CLSTN2: variants seen among roughly 807,000 people sequenced by gnomAD.
The protein encoded by CLSTN2 is calsyntenin 2.
CLSTN2 carries 48 observed loss-of-function variants against 101.2 expected under a neutral mutation model. The ratio of observed to expected loss-of-function variants is 0.47; its 90% CI spans 0.38 to 0.60. The LOEUF is 0.60. Ranked by LOEUF, CLSTN2 falls within the 20% of genes least tolerant of loss-of-function variation. The pLI is 0.00. For synonymous variants in CLSTN2, 481 were observed against 463.6 expected, an observed-to-expected ratio of 1.04 and a Z score of -0.48; for missense variants, 1,160 against 1,238.2, an observed-to-expected ratio of 0.94 and a Z score of 0.95.
chr3:140,425,942 CTT>C (rs1468962715), intron 5 of CLSTN2, among the ~76,000 whole-genome samples: 1 of 152,106 alleles, frequency 6.6e-6, no homozygotes, highest in Admixed American at 6.5e-5. Flanking sequence ...AACTACTTCT[CTT>C]TGTTTTGTTC....
At chr3:140,321,952 C>T (rs1218781000) in intron 2 of CLSTN2, among the ~76,000 whole-genome samples, 1 of 152,208 alleles carries the variant, frequency 6.6e-6, no homozygotes, top group Admixed American at 6.5e-5. Flanking sequence ...CCAGAGCATC[C>T]TCAGCTGGTG....
chr3:140,076,207 G>C (rs145868438), intron 1 of CLSTN2, among the ~76,000 whole-genome samples: 3 of 152,150 alleles, frequency 2.0e-5, no homozygotes, highest in Admixed American at 2.0e-4. Context: ...TGTTCTTCGC[G>C]TTCATCCTTG....
intron 8 of CLSTN2, among the ~76,000 whole-genome samples, chr3:140,518,487 T>A (rs2107772077): frequency 6.6e-6 from 1 of 152,232 alleles, no homozygotes; most frequent in Non-Finnish European, 1.5e-5. Context: ...CTCTTCCCCC[T>A]ACTTCTCCTA....
intron 5 of CLSTN2, among the ~76,000 whole-genome samples, chr3:140,426,978 C>T (rs920376118): frequency 5.9e-5 from 9 of 151,620 alleles, no homozygotes; most frequent in South Asian, 2.1e-4. Flanking sequence ...AGTTTGAAAC[C>T]GGCCTGGCCA....
At chr3:140,055,953 T>C (rs746938354) in intron 1 of CLSTN2, among the ~76,000 whole-genome samples, 6 of 152,184 alleles carry the variant, frequency 3.9e-5, no homozygotes, top group African/African-American at 1.2e-4. Context: ...AAGTACACAA[T>C]GGCACTCATC....
At chr3:140,031,828 A>C (rs1284577477) in intron 1 of CLSTN2, among the ~76,000 whole-genome samples, 1 of 152,214 alleles carries the variant, frequency 6.6e-6, no homozygotes, top group Non-Finnish European at 1.5e-5. Flanking sequence ...GGTTATTAAG[A>C]GGCAAAGCTG....
intron 1 of CLSTN2, among the ~76,000 whole-genome samples, chr3:140,126,466 GC>G (rs1334069169): frequency 6.6e-6 from 1 of 152,024 alleles, no homozygotes; most frequent in Non-Finnish European, 1.5e-5. Context: ...ACATACTTGT[GC>G]AAAAAAAGCC....
At chr3:139,968,972 A>C in intron 1 of CLSTN2, among the ~76,000 whole-genome samples, 1 of 152,174 alleles carries the variant, frequency 6.6e-6, no homozygotes, top group East Asian at 1.9e-4. Flanking sequence ...GCAGCCTTCA[A>C]GTTTAAGAGC....
At chr3:140,010,535 T>A (rs2007051141) in intron 1 of CLSTN2, among the ~76,000 whole-genome samples, 1 of 152,200 alleles carries the variant, frequency 6.6e-6, no homozygotes, top group East Asian at 1.9e-4. Flanking sequence ...TCTTGCTCTT[T>A]CCTGATAATT....
chr3:140,203,456 T>C (rs60229579), intron 2 of CLSTN2, among the ~76,000 whole-genome samples: 3,659 of 129,736 alleles, frequency 0.028, 183 homozygotes, highest in African/African-American at 0.1. Context: ...TAAGAGAAAG[T>C]GTGGGTTTTT....
chr3:140,155,487 C>T (rs983673035), intron 1 of CLSTN2, among the ~76,000 whole-genome samples: 2 of 152,030 alleles, frequency 1.3e-5, no homozygotes, highest in South Asian at 2.1e-4. Flanking sequence ...CAGTCAGAGG[C>T]GAGGAGTTTC....
chr3:139,980,406 GC>G (rs1185773008), intron 1 of CLSTN2, among the ~76,000 whole-genome samples: 2 of 151,994 alleles, frequency 1.3e-5, no homozygotes, highest in African/African-American at 4.8e-5. Flanking sequence ...TTAAGTCTCT[GC>G]TGAAACACAG....
At chr3:140,397,228 C>A (rs2088192541) in intron 2 of CLSTN2, among the ~76,000 whole-genome samples, 1 of 151,948 alleles carries the variant, frequency 6.6e-6, no homozygotes, top group Admixed American at 6.6e-5. Flanking sequence ...TCTTTTATTG[C>A]CTTCAACCTG....
At position 140,020,772 on chromosome 3, in the gene CLSTN2, A is replaced by G. The variant is rs556981690; in HGVS notation, c.109+85289A>G. ...GGGCACATTATCTAAATTGTTATGTATCACCCTGGGTAATGGCAAAAGTAA... is the reference window on the plus strand; with the variant it reads ...GGGCACATTATCTAAATTGTTATGTGTCACCCTGGGTAATGGCAAAAGTAA... On this transcript the variant is annotated intron_variant, in intron 1 of 16. Coordinates refer to ENST00000458420, the MANE Select transcript of CLSTN2 (RefSeq NM_022131.3). 2.0e-5 allele frequency among the ~76,000 whole-genome samples: 3 copies of G among 152,344 alleles called. No individual in the cohort carries two copies. In the South Asian group the frequency reaches 6.2e-4, roughly 32 times the overall value.
At chr3:140,507,023 C>T (rs767313412) in intron 8 of CLSTN2, 24 of 152,244 alleles carry the variant, frequency 1.6e-4, no homozygotes, top group Non-Finnish European at 2.6e-4. Flanking sequence ...GAGAATGCTA[C>T]AGGCTGGTGC....
At chr3:140,020,178 C>G (rs2007278613) in intron 1 of CLSTN2, among the ~76,000 whole-genome samples, 1 of 152,120 alleles carries the variant, frequency 6.6e-6, no homozygotes, top group South Asian at 2.1e-4. Context: ...TACCCAGGAG[C>G]CTGCAGACAC....
intron 2 of CLSTN2, among the ~76,000 whole-genome samples, chr3:140,275,269 T>C (rs1404850131): frequency 1.4e-5 from 1 of 70,780 alleles, no homozygotes; most frequent in Non-Finnish European, 3.1e-5. Context: ...AGGTACCCCT[T>C]GGGAGGAGTT....
At chr3:140,345,415 A>AT (rs942286025) in intron 2 of CLSTN2, among the ~76,000 whole-genome samples, 1 of 151,220 alleles carries the variant, frequency 6.6e-6, no homozygotes, top group African/African-American at 2.4e-5. Context: ...TGCCCAGCTA[A>AT]TTTTTTGTAT....
chr3:140,055,996 G>C (rs1025176), intron 1 of CLSTN2, among the ~76,000 whole-genome samples: 81,230 of 151,564 alleles, frequency 0.54, 24,589 homozygotes, highest in South Asian at 0.79. Flanking sequence ...TGAGGAGGCT[G>C]GATTGGAGAG....
Sources: allele counts gnomAD v4.1 joint callset (sites outside exome capture counted in the v4.1 genomes callset), GRCh38; gene constraint gnomAD v4.1.1; transcripts MANE v1.5; gene names NCBI Gene and HGNC (gene_info 2026-07-23, HGNC 2026-07-21).